Variants in CDH23 observed in about 807,000 individuals in gnomAD.
CDH23 encodes the protein cadherin related 23.
A neutral mutation model predicts 317.1 loss-of-function variants in CDH23; 189 were observed. The observed-to-expected ratio is 0.60, with a 90% confidence interval of 0.53 to 0.67. The LOEUF (loss-of-function observed/expected upper bound fraction) is 0.67. Ranked by LOEUF, CDH23 falls within the 30% of genes least tolerant of loss-of-function variation. The pLI is 0.00. For synonymous variants in CDH23, 1,839 were observed against 1,876.8 expected, an observed-to-expected ratio of 0.98 and a Z score of 0.52; for missense variants, 4,401 against 4,592.4, an observed-to-expected ratio of 0.96 and a Z score of 1.20.
chr10:71,720,422 C>CACACACACACACAA (rs1164305135), intron 28 of CDH23, among the ~76,000 whole-genome samples: 1 of 148,044 alleles, frequency 6.8e-6, no homozygotes, highest in African/African-American at 2.5e-5. Context: ...CTTTCCAAAA[C>CACACACACACACAA]ACACACACAC....
intron 3 of CDH23, among the ~76,000 whole-genome samples, chr10:71,454,381 C>T (rs769204196): frequency 2.6e-5 from 4 of 152,200 alleles, no homozygotes; most frequent in Non-Finnish European, 4.4e-5. Flanking sequence ...AACATATTTT[C>T]GAAAGGAAAC....
chr10:71,630,915 G>A (rs556407129), intron 11 of CDH23, among the ~76,000 whole-genome samples: 3 of 152,272 alleles, frequency 2.0e-5, no homozygotes, highest in Admixed American at 1.3e-4. Flanking sequence ...GGCTGGAGGC[G>A]GGAATGAAAG....
chr10:71,786,185 T>G (rs998886441), intron 44 of CDH23, among the ~76,000 whole-genome samples: 11 of 152,216 alleles, frequency 7.2e-5, no homozygotes, highest in African/African-American at 2.4e-4. Context: ...CAGGTGGCTC[T>G]CCCCTCAGAA....
chr10:71,502,592 G>T (rs78554566), intron 3 of CDH23, among the ~76,000 whole-genome samples: 2,594 of 152,290 alleles, frequency 0.017, 59 homozygotes, highest in African/African-American at 0.054. Flanking sequence ...CCATGCAGGG[G>T]CCTGGTATGC....
At chr10:71,696,523 G>A (rs1865398050) in intron 22 of CDH23, among the ~76,000 whole-genome samples, 1 of 152,234 alleles carries the variant, frequency 6.6e-6, no homozygotes, top group African/African-American at 2.4e-5. Flanking sequence ...ACCCTGGTCT[G>A]TCTGACTTGG....
At chr10:71,534,520 A>G (rs1343789518) in intron 6 of CDH23, among the ~76,000 whole-genome samples, 1 of 152,166 alleles carries the variant, frequency 6.6e-6, no homozygotes, top group East Asian at 1.9e-4. Context: ...TGACCCCTAC[A>G]CTTTCTTGAA....
chr10:71,450,490 ACTCCC>A (rs1850383629), intron 3 of CDH23, among the ~76,000 whole-genome samples: 5 of 150,590 alleles, frequency 3.3e-5, no homozygotes, highest in African/African-American at 1.2e-4. Context: ...CTGGTCTCAA[ACTCCC>A]GACCTCAGGT....
At chr10:71,721,189 G>A (rs1267095725) in intron 28 of CDH23, among the ~76,000 whole-genome samples, 1 of 152,206 alleles carries the variant, frequency 6.6e-6, no homozygotes, top group Non-Finnish European at 1.5e-5. Context: ...GGGCAACGTG[G>A]CTCTCTTCAC....
rs1299334894 is a variant in CDH23, at chr10:71,751,037, C to T, written c.4845+9116C>T. The T allele has an allele frequency of 1.1e-5, 6 of 543,650 alleles. No individual in the cohort carries two copies. The highest frequency in any genetic ancestry group is 9.8e-5 in the African/African-American group (5 of 51,066). The allele number at this position is 543,650 out of a possible 1,614,324, so 33.7% of individuals were successfully genotyped here. A position where few individuals can be genotyped will look rare whatever the true frequency, so the allele number is the denominator to read the frequency against. On this transcript the variant is annotated intron_variant, in intron 38 of 69. Transcript: ENST00000224721. This position sits in a 1 kb window ranked among gnomAD's most constrained non-coding sequence, Gnocchi z 4.9. ...GTCTCTAGGGGAGAATCTCAGCACCCCAAAATCCTTGGAACAGGGGCTGAG... is the reference window on the plus strand; with the variant it reads ...GTCTCTAGGGGAGAATCTCAGCACCTCAAAATCCTTGGAACAGGGGCTGAG...
At chr10:71,580,114 G>A (rs1212767162) in intron 9 of CDH23, among the ~76,000 whole-genome samples, 1 of 152,224 alleles carries the variant, frequency 6.6e-6, no homozygotes, top group Non-Finnish European at 1.5e-5. Flanking sequence ...TGGGTGCCAG[G>A]CTGCCAGTCC....
intron 3 of CDH23, among the ~76,000 whole-genome samples, chr10:71,491,413 C>T (rs1212191254): frequency 3.9e-5 from 6 of 152,178 alleles, no homozygotes; most frequent in Non-Finnish European, 2.9e-5. Context: ...ACTTGCACAG[C>T]CTTGGGCACA....
chr10:71,510,297 G>T, intron 4 of CDH23, 73 bp downstream of exon 4: 1 of 1,542,092 alleles, frequency 6.5e-7, no homozygotes, highest in South Asian at 1.2e-5. Flanking sequence ...AGGACGGCCC[G>T]CCATCTTTTG....
At chr10:71,639,586 G>C (rs1862439154) in intron 11 of CDH23, among the ~76,000 whole-genome samples, 1 of 152,162 alleles carries the variant, frequency 6.6e-6, no homozygotes, top group Admixed American at 6.5e-5. Context: ...GGCGGGGTGG[G>C]GGCAAACTTG....
chr10:71,677,812 C>G (rs1864439751), intron 16 of CDH23, 119 bp downstream of exon 16: 4 of 802,454 alleles, frequency 5.0e-6, no homozygotes, highest in Non-Finnish European at 8.1e-6. Context: ...TTCACCCAGG[C>G]TGGAGTGCAG....
At chr10:71,421,431 C>T (rs2131951689) in intron 1 of CDH23, among the ~76,000 whole-genome samples, 1 of 152,370 alleles carries the variant, frequency 6.6e-6, no homozygotes, top group Non-Finnish European at 1.5e-5. Context: ...GGGAACAAAT[C>T]TCATTTTCAA....
At chr10:71,524,504 C>T (rs1344285586) in intron 6 of CDH23, among the ~76,000 whole-genome samples, 1 of 152,182 alleles carries the variant, frequency 6.6e-6, no homozygotes, top group African/African-American at 2.4e-5. Flanking sequence ...ATGCCTTGCT[C>T]AGGGCTACTG....
At chr10:71,529,977 G>C (rs912133174) in intron 6 of CDH23, among the ~76,000 whole-genome samples, 4 of 151,050 alleles carry the variant, frequency 2.6e-5, no homozygotes, top group African/African-American at 9.8e-5. Context: ...AGGTCCACTT[G>C]TAACTCCCTC....
rs926233522 is a variant in CDH23 at position 71,813,155 on chromosome 10, C to A, written c.9634-89C>A. 9.4e-6 allele frequency: 12 copies of A among 1,280,122 alleles called. No individual in the cohort carries two copies. In the African/African-American group the frequency reaches 1.2e-4, roughly 13 times the overall value. The allele number at this position is 1,280,122 out of a possible 1,614,324, so 79.3% of individuals were successfully genotyped here. On this transcript the variant is annotated intron_variant, in intron 68 of 69. Coordinates refer to ENST00000224721, the MANE Select transcript of CDH23 (RefSeq NM_022124.6). ...CCTAGGATCACCAGGATCAGATGTCCGTGTACCCCTTACTCCCAGAGGGAG... is the reference window on the plus strand; with the variant it reads ...CCTAGGATCACCAGGATCAGATGTCAGTGTACCCCTTACTCCCAGAGGGAG...
intron 38 of CDH23, among the ~76,000 whole-genome samples, chr10:71,746,703 G>A (rs1839860214): frequency 6.6e-6 from 1 of 152,198 alleles, no homozygotes; most frequent in Non-Finnish European, 1.5e-5. Context: ...GGGTGGAGAG[G>A]GAGGGAGGGC....
Sources: gnomAD v4.1 joint callset for allele counts (sites outside exome capture counted in the v4.1 genomes callset) on GRCh38, gnomAD v4.1.1 for gene constraint, Gnocchi (gnomAD v3.1) non-coding constraint, MANE v1.5 for transcripts, NCBI Gene and HGNC (gene_info 2026-07-23, HGNC 2026-07-21) for gene names.